Variants in EIF4E3 observed in about 807,000 individuals in gnomAD.
EIF4E3 encodes eukaryotic translation initiation factor 4E family member 3.
A neutral mutation model predicts 31.7 loss-of-function variants in EIF4E3; 26 were observed. The observed-to-expected ratio is 0.82, with a 90% CI of 0.60 to 1.14. The LOEUF is 1.14. Ranked by LOEUF, EIF4E3 falls within the 50% of genes most tolerant of loss-of-function variation. EIF4E3 has a pLI of 0.00. For synonymous variants in EIF4E3, 128 were observed against 107.7 expected, an observed-to-expected ratio of 1.19 and a Z score of -1.17; for missense variants, 304 against 270.9, an observed-to-expected ratio of 1.12 and a Z score of -0.86.
chr3:71,668,440 A>G, the EIF4E3 span, among the ~76,000 whole-genome samples: 1 of 152,204 alleles, frequency 6.6e-6, no homozygotes, highest in African/African-American at 2.4e-5. Context: ...AAAAGAACCT[A>G]TCATCAGAGT....
chr3:71,669,985 A>C, the EIF4E3 span, among the ~76,000 whole-genome samples: 1 of 152,242 alleles, frequency 6.6e-6, no homozygotes, highest in Non-Finnish European at 1.5e-5. Context: ...CACAACACTG[A>C]CAAGAACAAC....
downstream of EIF4E3, among the ~76,000 whole-genome samples, chr3:71,673,563 C>T (rs1023259756): frequency 2.6e-5 from 4 of 151,248 alleles, no homozygotes; most frequent in African/African-American, 4.9e-5. Flanking sequence ...AAAAAAAAAA[C>T]ACCGCTTATG....
rs1453213831 is a variant in EIF4E3, at chr3:71,682,816, C to T, written c.*1866G>A. 1 of 151,822 alleles carries T rather than the reference C, an allele frequency of 6.6e-6. No homozygotes were observed. The highest frequency in any genetic ancestry group is 1.9e-4 in the East Asian group (1 of 5,190). The allele number at this position is 151,822 out of a possible 1,614,324, so 9.4% of individuals were successfully genotyped here. On this transcript the variant is annotated 3_prime_UTR_variant, in exon 7 of 7. Coordinates refer to ENST00000425534, the MANE Select transcript of EIF4E3 (RefSeq NM_001134651.2). ...CATCACAAATGCTTTAAATAAAGTT[C>T]AAAAAATAAAAATACTTCAAAATCC...
chr3:71,719,780 G>A (rs1430594925), intron 1 of EIF4E3, among the ~76,000 whole-genome samples: 1 of 152,136 alleles, frequency 6.6e-6, no homozygotes, highest in East Asian at 1.9e-4. Context: ...TTGGGAGGCT[G>A]AGGTGGGAGA....
chr3:71,730,740 G>A (rs1239284629), intron 1 of EIF4E3, among the ~76,000 whole-genome samples: 2 of 149,264 alleles, frequency 1.3e-5, no homozygotes, highest in Non-Finnish European at 2.9e-5. Context: ...TATTGTTGTT[G>A]TTTTTTTTGA....
intron 1 of EIF4E3, among the ~76,000 whole-genome samples, chr3:71,750,510 C>T (rs1433085062): frequency 6.6e-6 from 1 of 152,076 alleles, no homozygotes; most frequent in Non-Finnish European, 1.5e-5. Flanking sequence ...ATTCTGTGCC[C>T]GGGAGCATCA....
At chr3:71,749,334 G>A (rs910275247) in intron 1 of EIF4E3, among the ~76,000 whole-genome samples, 2 of 152,218 alleles carry the variant, frequency 1.3e-5, no homozygotes, top group African/African-American at 2.4e-5. Flanking sequence ...TCACCGCAAG[G>A]CCCACTTTCA....
chr3:71,684,149 A>G lies in EIF4E3; in HGVS notation c.*533T>C, dbSNP rs2048958513. 6.6e-6 allele frequency: 1 copy of G among 152,618 alleles called. No homozygotes were observed. The highest frequency in any genetic ancestry group is 6.5e-5 in the Admixed American group (1 of 15,278). 9.5% of individuals were successfully genotyped at this position (152,618 alleles called of 1,614,324 possible). A position where few individuals can be genotyped will look rare whatever the true frequency, so the allele number is the denominator to read the frequency against. On this transcript the variant is annotated 3_prime_UTR_variant, in exon 7 of 7. Transcript: ENST00000425534. Reference sequence around the variant, plus strand: ...ATGGTTTTTCTTTTCCCTGGGACAGAAAAAAACAATGCCCAGCTCACAGTA... The same window carrying G: ...ATGGTTTTTCTTTTCCCTGGGACAGGAAAAAACAATGCCCAGCTCACAGTA...
chr3:71,713,441 G>T (rs1342918240), intron 1 of EIF4E3, among the ~76,000 whole-genome samples: 1 of 151,982 alleles, frequency 6.6e-6, no homozygotes, highest in Non-Finnish European at 1.5e-5. Flanking sequence ...CAATTTTTTT[G>T]TTTGTTTGTT....
chr3:71,749,664 G>A (rs2049907260), intron 1 of EIF4E3, among the ~76,000 whole-genome samples: 2 of 151,470 alleles, frequency 1.3e-5, no homozygotes, highest in South Asian at 2.1e-4. Flanking sequence ...CCATCTATAC[G>A]TACATCAAAG....
chr3:71,735,996 A>C (rs942260297), intron 1 of EIF4E3, among the ~76,000 whole-genome samples: 2 of 152,240 alleles, frequency 1.3e-5, no homozygotes, highest in Non-Finnish European at 2.9e-5. Flanking sequence ...ATTGGACAAA[A>C]GACCTGAGCA....
chr3:71,739,350 T>C (rs1303318227), intron 1 of EIF4E3, among the ~76,000 whole-genome samples: 2 of 151,994 alleles, frequency 1.3e-5, no homozygotes, highest in Non-Finnish European at 2.9e-5. Context: ...ATAGAGATGT[T>C]TTCAGATATG....
downstream of EIF4E3, among the ~76,000 whole-genome samples, chr3:71,673,930 T>A (rs10575851): frequency 0.067 from 8,537 of 126,636 alleles, 314 homozygotes; most frequent in Middle Eastern, 0.11. Flanking sequence ...TATATATATA[T>A]AAAAAACATA....
chr3:71,752,896 T>C (rs2049947975), intron 1 of EIF4E3, among the ~76,000 whole-genome samples: 1 of 152,178 alleles, frequency 6.6e-6, no homozygotes, highest in African/African-American at 2.4e-5. Context: ...CTGAGAATCA[T>C]AACAGGGGCT....
At chr3:71,718,901 T>TG (rs1235848562) in intron 1 of EIF4E3, among the ~76,000 whole-genome samples, 1 of 152,078 alleles carries the variant, frequency 6.6e-6, no homozygotes, top group Non-Finnish European at 1.5e-5. Flanking sequence ...AGGGCAAGTG[T>TG]GGGAAAAAGA....
chr3:71,733,211 A>G (rs1172368942), intron 1 of EIF4E3, among the ~76,000 whole-genome samples: 1 of 152,204 alleles, frequency 6.6e-6, no homozygotes, highest in African/African-American at 2.4e-5. Flanking sequence ...TAGATACACA[A>G]GGAGCGGGTC....
At chr3:71,733,525 A>T (rs774419588) in intron 1 of EIF4E3, among the ~76,000 whole-genome samples, 1 of 152,220 alleles carries the variant, frequency 6.6e-6, no homozygotes, top group Non-Finnish European at 1.5e-5. Context: ...AGAAAATATA[A>T]GCTGATTTGG....
chr3:71,746,847 T>C (rs1248369152), intron 1 of EIF4E3, among the ~76,000 whole-genome samples: 1 of 152,232 alleles, frequency 6.6e-6, no homozygotes, highest in Non-Finnish European at 1.5e-5. Context: ...TGGATTTACC[T>C]GTTCTGGGCA....
At position 71,683,054 on chromosome 3, in the gene EIF4E3, T is replaced by C. The variant is rs2048942672; in HGVS notation, c.*1628A>G. On this transcript the variant is annotated 3_prime_UTR_variant, in exon 7 of 7. Coordinates refer to ENST00000425534, the MANE Select transcript of EIF4E3 (RefSeq NM_001134651.2). ...TTGCTAACTGGATCTGATATTCTTA[T>C]ACTTCATTTTGAAATCACTAAGGAA... 6.6e-6 allele frequency: 1 copy of C among 152,024 alleles called. No homozygotes were observed. Among genetic ancestry groups the C allele is most frequent in the Admixed American group, 6.6e-5 (1 of 15,248 alleles). The allele number at this position is 152,024 out of a possible 1,614,324, so 9.4% of individuals were successfully genotyped here.
Sources: gnomAD v4.1 joint callset for allele counts (sites outside exome capture counted in the v4.1 genomes callset) on GRCh38, gnomAD v4.1.1 for gene constraint, MANE v1.5 for transcripts, NCBI Gene and HGNC (gene_info 2026-07-23, HGNC 2026-07-21) for gene names.